The following PPM1L variants were observed in gnomAD, a reference collection of about 807,000 sequenced individuals.
The protein encoded by PPM1L is protein phosphatase, Mg2+/Mn2+ dependent 1L.
A neutral mutation model predicts 31.4 loss-of-function variants in PPM1L; 13 were observed. That is an observed-to-expected ratio of 0.41 (90% CI 0.27 to 0.66). PPM1L has a LOEUF of 0.66. PPM1L is among the 30% of genes least tolerant of loss of function. The probability of loss-of-function intolerance (pLI) is 0.29; values close to 1 mark genes in which losing one functional copy is unlikely to be tolerated. For synonymous variants in PPM1L, 184 were observed against 175.4 expected (o/e 1.05, Z -0.39); for missense variants, 326 against 453.7 (o/e 0.72, Z 2.56).
At chr3:160,818,923 G>A (rs1448644757) in intron 1 of PPM1L, among the ~76,000 whole-genome samples, 3 of 151,740 alleles carry the variant, frequency 2.0e-5, no homozygotes, top group Non-Finnish European at 4.4e-5. Context: ...CTTGTGCATG[G>A]TTCTAACTTC....
intron 1 of PPM1L, among the ~76,000 whole-genome samples, chr3:160,835,379 G>A (rs1312657571): frequency 1.3e-4 from 19 of 151,620 alleles, no homozygotes. Flanking sequence ...GCTGTGATCT[G>A]TAAGAGCCAG....
chr3:160,782,323 TACC>T (rs796732894), intron 1 of PPM1L, among the ~76,000 whole-genome samples: 1 of 152,134 alleles, frequency 6.6e-6, no homozygotes, highest in Non-Finnish European at 1.5e-5. Flanking sequence ...TTTTCAGCAC[TACC>T]ACCACCACCA....
At chr3:160,790,406 C>T (rs991020547) in intron 1 of PPM1L, among the ~76,000 whole-genome samples, 2 of 152,108 alleles carry the variant, frequency 1.3e-5, no homozygotes, top group African/African-American at 4.8e-5. Flanking sequence ...AAATGCAGCA[C>T]AGTTTTTGCA....
intron 2 of PPM1L, among the ~76,000 whole-genome samples, chr3:161,062,499 A>G (rs937519487): frequency 3.3e-5 from 5 of 152,110 alleles, no homozygotes; most frequent in Admixed American, 1.3e-4. Context: ...ATTAATTCAG[A>G]TCCTCATTAA....
At chr3:160,999,402 CAT>C (rs1345463161) in intron 2 of PPM1L, among the ~76,000 whole-genome samples, 1 of 152,114 alleles carries the variant, frequency 6.6e-6, no homozygotes, top group South Asian at 2.1e-4. Context: ...TGACTCATAA[CAT>C]ATATTTGTGA....
intron 1 of PPM1L, among the ~76,000 whole-genome samples, chr3:160,834,181 GC>G (rs1713619872): frequency 2.0e-5 from 3 of 151,840 alleles, no homozygotes; most frequent in Non-Finnish European, 4.4e-5. Context: ...CCACCATCAT[GC>G]CCAGATAATT....
chr3:160,787,771 T>C (rs1711979724), intron 1 of PPM1L, among the ~76,000 whole-genome samples: 1 of 152,208 alleles, frequency 6.6e-6, no homozygotes, highest in South Asian at 2.1e-4. Context: ...AAGTTGATTT[T>C]TGTATATGGT....
chr3:161,018,634 A>G (rs986864419), intron 2 of PPM1L, among the ~76,000 whole-genome samples: 4 of 152,200 alleles, frequency 2.6e-5, no homozygotes, highest in Non-Finnish European at 4.4e-5. Context: ...TTCTTGTAGT[A>G]TAAATATTTA....
chr3:160,810,797 T>C lies in PPM1L; in HGVS notation c.399+54090T>C, dbSNP rs539730478. 2.1e-4 allele frequency among the ~76,000 whole-genome samples: 32 copies of C among 152,332 alleles called. 1 individual carries two copies. Among genetic ancestry groups the C allele is most frequent in the Non-Finnish European group, 3.1e-4 (21 of 68,028 alleles). On this transcript the variant is annotated intron_variant, in intron 1 of 3. Transcript: ENST00000498165. ...AAAATCTGAATGTCGTTTAAAATGC[T>C]CCTCATTATGCTCTCTCATGTTGAT...
At chr3:160,989,928 G>T (rs975112299) in intron 2 of PPM1L, among the ~76,000 whole-genome samples, 1 of 152,030 alleles carries the variant, frequency 6.6e-6, no homozygotes, top group African/African-American at 2.4e-5. Context: ...GCCTCCCAAA[G>T]TTCCAGCATT....
chr3:160,835,942 T>A (rs1464159100), intron 1 of PPM1L, among the ~76,000 whole-genome samples: 2 of 151,212 alleles, frequency 1.3e-5, no homozygotes, highest in Non-Finnish European at 3.0e-5. Flanking sequence ...GGATACCCCC[T>A]GGATAGTCTG....
intron 1 of PPM1L, among the ~76,000 whole-genome samples, chr3:160,783,933 C>A (rs1227308213): frequency 6.6e-6 from 1 of 151,950 alleles, no homozygotes; most frequent in African/African-American, 2.4e-5. Context: ...TTTGAAGATA[C>A]CAAAAAAGTG....
At chr3:160,897,622 C>T (rs1713386429) in intron 1 of PPM1L, among the ~76,000 whole-genome samples, 1 of 152,208 alleles carries the variant, frequency 6.6e-6, no homozygotes, top group African/African-American at 2.4e-5. Context: ...CTCCAGATTT[C>T]TTTTTCCTGA....
Position 160,993,901 on chromosome 3 carries a change from G to C in PPM1L, c.574+31991G>C, listed in dbSNP as rs889914195. On this transcript the variant is annotated intron_variant, in intron 2 of 3. Transcript: ENST00000498165. The stretch of plus-strand genomic sequence containing the variant: ...TTTTGTTTTTCTCTCCTCAGGGACT[G>C]ATAACACAAAGCCTGCTCTCTCCCC... Among the ~76,000 whole-genome samples, 7 of 152,010 alleles carry C rather than the reference G, an allele frequency of 4.6e-5. No individual in the cohort carries two copies. In the East Asian group the frequency reaches 1.4e-3, roughly 29 times the overall value.
rs371471886 is a variant in PPM1L, at chr3:160,945,067, C to CATAT, written c.400-16667_400-16666insATAT. On this transcript the variant is annotated intron_variant, in intron 1 of 3. Transcript: ENST00000498165. ...ATATATTATATATAACTATATATAACATGTTATATATAACTATATATAACA... is the reference window on the plus strand; with the variant it reads ...ATATATTATATATAACTATATATAACATATATGTTATATATAACTATATATAACA... Among the ~76,000 whole-genome samples the CATAT allele has an allele frequency of 4.3e-3, 297 of 69,634 alleles. 11 individuals carry two copies. The highest frequency in any genetic ancestry group is 0.013 in the African/African-American group (283 of 22,012). The allele number at this position is 69,634 out of a possible 152,430, so 45.7% of individuals were successfully genotyped here.
chr3:160,912,675 A>G (rs956241617), intron 1 of PPM1L, among the ~76,000 whole-genome samples: 12 of 152,208 alleles, frequency 7.9e-5, no homozygotes, highest in South Asian at 2.1e-4. Context: ...GAAGTGTGTC[A>G]TGTAGAAATT....
intron 2 of PPM1L, among the ~76,000 whole-genome samples, chr3:161,004,877 T>A (rs1363216286): frequency 1.1e-4 from 16 of 152,338 alleles, no homozygotes; most frequent in South Asian, 6.2e-4. Context: ...TCTTGCCTTC[T>A]GCTAGCTTTT....
intron 2 of PPM1L, among the ~76,000 whole-genome samples, chr3:160,991,154 C>T (rs2376475): frequency 0.47 from 71,519 of 151,536 alleles, 18,170 homozygotes; most frequent in East Asian, 0.7. Context: ...TGTGTTAGGC[C>T]ACATTCAAAG....
intron 1 of PPM1L, among the ~76,000 whole-genome samples, chr3:160,796,406 T>C (rs1172076368): frequency 6.6e-6 from 1 of 152,216 alleles, no homozygotes; most frequent in Non-Finnish European, 1.5e-5. Context: ...ACCATTACCC[T>C]TAATTTTTGA....
Sources: allele counts gnomAD v4.1 joint callset (sites outside exome capture counted in the v4.1 genomes callset), GRCh38; gene constraint gnomAD v4.1.1; transcripts MANE v1.5; gene names NCBI Gene and HGNC (gene_info 2026-07-23, HGNC 2026-07-21).